The following LRRTM4 variants were observed in gnomAD, a reference collection of about 807,000 sequenced individuals.
LRRTM4 encodes leucine rich repeat transmembrane neuronal 4.
A neutral mutation model predicts 47.6 loss-of-function variants in LRRTM4; 25 were observed. That is an observed-to-expected ratio of 0.53 (90% CI 0.38 to 0.73). LRRTM4 has a LOEUF of 0.73. Among genes scored for constraint, LRRTM4 ranks in the 30% least tolerant of loss-of-function variants. The pLI, the probability that LRRTM4 is intolerant of heterozygous loss-of-function variation, is 0.00. For missense variants in LRRTM4, 638 were observed against 713.4 expected (o/e 0.89, Z 1.20); for synonymous variants, 311 against 269.5 (o/e 1.15, Z -1.51).
chr2:77,390,113 A>G (rs1370452247), intron 3 of LRRTM4, among the ~76,000 whole-genome samples: 1 of 152,098 alleles, frequency 6.6e-6, no homozygotes, highest in Admixed American at 6.6e-5. Context: ...GCTTAGTCTT[A>G]AACATCTACT....
At chr2:77,141,579 C>T (rs533575339) in intron 3 of LRRTM4, among the ~76,000 whole-genome samples, 57 of 152,202 alleles carry the variant, frequency 3.7e-4, no homozygotes, top group African/African-American at 1.1e-3. Flanking sequence ...ATGTAACAAA[C>T]CTGCACGTTG....
At chr2:76,823,969 C>T (rs539347485) in intron 3 of LRRTM4, among the ~76,000 whole-genome samples, 95 of 148,906 alleles carry the variant, frequency 6.4e-4, no homozygotes, top group Non-Finnish European at 1.0e-4. Flanking sequence ...TCATTTAACC[C>T]ATACAGAAAG....
At chr2:77,141,361 T>C (rs1002394159) in intron 3 of LRRTM4, among the ~76,000 whole-genome samples, 22 of 151,120 alleles carry the variant, frequency 1.5e-4, no homozygotes, top group African/African-American at 5.1e-4. Flanking sequence ...CTCAGCAAAC[T>C]ATCACAAGGA....
At position 77,093,660 on chromosome 2, in the gene LRRTM4, A is replaced by G. The variant is rs373636261; in HGVS notation, c.1552-344744T>C. Among the ~76,000 whole-genome samples, 1,222 of 151,936 alleles carry G rather than the reference A, an allele frequency of 8.0e-3. 6 individuals carry two copies. The highest frequency in any genetic ancestry group is 0.02 in the Middle Eastern group (6 of 294). Reference sequence around the variant, plus strand: ...TTATTTTTCTTATTAATATAAGAAGACAGGAATGTCAGGCCTCTGAGCCCA... The same window carrying G: ...TTATTTTTCTTATTAATATAAGAAGGCAGGAATGTCAGGCCTCTGAGCCCA... On this transcript the variant is annotated intron_variant, in intron 3 of 3. Transcript: ENST00000409884.
intron 3 of LRRTM4, among the ~76,000 whole-genome samples, chr2:77,411,618 A>ACTTTT (rs1674440110): frequency 3.1e-5 from 2 of 64,808 alleles, no homozygotes; most frequent in Admixed American, 4.6e-4. Context: ...ATGCCCGGCT[A>ACTTTT]TTTTTTTTTT....
chr2:76,995,229 G>A (rs1394956028), intron 3 of LRRTM4, among the ~76,000 whole-genome samples: 2 of 151,968 alleles, frequency 1.3e-5, no homozygotes, highest in African/African-American at 4.8e-5. Flanking sequence ...TATGAATTAA[G>A]TTTACACATA....
chr2:77,133,133 G>T (rs1366930803), intron 3 of LRRTM4, among the ~76,000 whole-genome samples: 1 of 152,142 alleles, frequency 6.6e-6, no homozygotes. Flanking sequence ...GTCATAAGAA[G>T]CATTGTGAGC....
At chr2:76,936,277 T>C (rs1674944784) in intron 3 of LRRTM4, among the ~76,000 whole-genome samples, 1 of 152,114 alleles carries the variant, frequency 6.6e-6, no homozygotes, top group Admixed American at 6.5e-5. Context: ...GACAAGTTCA[T>C]GGCCTTTTCA....
intron 3 of LRRTM4, among the ~76,000 whole-genome samples, chr2:76,906,508 A>G (rs1673845642): frequency 1.3e-5 from 2 of 152,250 alleles, no homozygotes; most frequent in Non-Finnish European, 2.9e-5. Flanking sequence ...ATTAACTTTA[A>G]ATGTAAATGG....
rs539421491 is a variant in LRRTM4, at chr2:77,244,039, C to T, written c.1551+274279G>A. Among the ~76,000 whole-genome samples the T allele has an allele frequency of 9.0e-3, 1,153 of 127,422 alleles. 6 individuals are homozygous for T. The highest frequency in any genetic ancestry group is 0.013 in the Admixed American group (148 of 11,662). The allele number at this position is 127,422 out of a possible 152,430, so 83.6% of individuals were successfully genotyped here. A position where few individuals can be genotyped will look rare whatever the true frequency, so the allele number is the denominator to read the frequency against. ...TGCGGTGTTTGGTTTTTTGTTCTTG[C>T]GATAGTTTACTGAGAATGATGATTT... is the stretch of plus-strand genomic sequence containing the variant. On this transcript the variant is annotated intron_variant, in intron 3 of 3. Coordinates refer to ENST00000409884, the MANE Select transcript of LRRTM4 (RefSeq NM_001134745.3).
At chr2:77,436,809 T>C (rs1675617831) in intron 3 of LRRTM4, among the ~76,000 whole-genome samples, 2 of 151,984 alleles carry the variant, frequency 1.3e-5, no homozygotes, top group Admixed American at 6.5e-5. Context: ...CAATGTTTTA[T>C]TGGTATAGAC....
chr2:77,470,525 G>C (rs1045097041), intron 3 of LRRTM4, among the ~76,000 whole-genome samples: 2 of 152,140 alleles, frequency 1.3e-5, no homozygotes, highest in African/African-American at 4.8e-5. Flanking sequence ...GCAGAAAGGT[G>C]AATCAGTTGA....
chr2:77,453,440 A>G (rs535561814), intron 3 of LRRTM4, among the ~76,000 whole-genome samples: 4 of 152,182 alleles, frequency 2.6e-5, no homozygotes, highest in African/African-American at 9.6e-5. Flanking sequence ...TCAGCCTCCC[A>G]AAGTGCTGGG....
chr2:77,136,090 G>C (rs1671931628), intron 3 of LRRTM4, among the ~76,000 whole-genome samples: 2 of 152,080 alleles, frequency 1.3e-5, no homozygotes, highest in South Asian at 4.1e-4. Context: ...GCAGAAGATG[G>C]GTGATTTCTG....
intron 3 of LRRTM4, among the ~76,000 whole-genome samples, chr2:77,510,685 C>T (rs906696747): frequency 4.0e-5 from 6 of 151,832 alleles, no homozygotes; most frequent in Non-Finnish European, 5.9e-5. Flanking sequence ...GCATATATTG[C>T]TTATTTAGAT....
intron 3 of LRRTM4, among the ~76,000 whole-genome samples, chr2:76,840,414 C>T (rs965578995): frequency 7.2e-5 from 11 of 152,192 alleles, no homozygotes; most frequent in East Asian, 1.9e-4. Context: ...GAGAACATGC[C>T]TCTTGGCACC....
chr2:76,870,043 A>G (rs1193352038), intron 3 of LRRTM4, among the ~76,000 whole-genome samples: 1 of 152,216 alleles, frequency 6.6e-6, no homozygotes, highest in East Asian at 1.9e-4. Flanking sequence ...GAATATTGCC[A>G]AAACATATGG....
At chr2:77,372,358 A>AT (rs1321819006) in intron 3 of LRRTM4, among the ~76,000 whole-genome samples, 1 of 151,656 alleles carries the variant, frequency 6.6e-6, no homozygotes. Context: ...ATTATTAACA[A>AT]TTTTTTGGTA....
chr2:77,297,860 C>T (rs1341370055), intron 3 of LRRTM4, among the ~76,000 whole-genome samples: 1 of 152,162 alleles, frequency 6.6e-6, no homozygotes, highest in Non-Finnish European at 1.5e-5. Context: ...TACAATGCTG[C>T]TTTAGGACTG....
Sources: allele counts gnomAD v4.1 joint callset (sites outside exome capture counted in the v4.1 genomes callset), GRCh38; gene constraint gnomAD v4.1.1; transcripts MANE v1.5; gene names NCBI Gene and HGNC (gene_info 2026-07-23, HGNC 2026-07-21).